The following LTA4H variants were observed in gnomAD, a reference collection of about 807,000 sequenced individuals.
The protein encoded by LTA4H is leukotriene A4 hydrolase, also known as leukotriene A-4 hydrolase.
In LTA4H, 59 loss-of-function variants were observed where a neutral mutation model predicts 89.8. The observed-to-expected ratio is 0.66, with a 90% CI of 0.53 to 0.82. LTA4H has a LOEUF of 0.82. LTA4H is among the 40% of genes least tolerant of loss of function. LTA4H has a pLI of 0.00. For missense variants in LTA4H, 617 were observed against 727.0 expected (o/e 0.85, Z 1.74); for synonymous variants, 227 against 253.1 (o/e 0.90, Z 0.98).
intron 18 of LTA4H, 93 bp from the exon 19 acceptor site, chr12:96,001,199 G>T (rs1950095623): frequency 2.6e-6 from 2 of 754,764 alleles, no homozygotes; most frequent in East Asian, 5.0e-5. Flanking sequence ...GAGGGAAGGG[G>T]TTCAGAGGAA....
At chr12:96,035,268 G>T (rs530375107) in intron 1 of LTA4H, 93 bp downstream of exon 1, 2 of 1,342,606 alleles carry the variant, frequency 1.5e-6, no homozygotes, top group African/African-American at 1.5e-5. Context: ...GGGCCGCGGC[G>T]GGGTGAGCCG....
At chr12:96,017,669 C>T (rs1276256965) in intron 8 of LTA4H, 89 bp from the exon 9 acceptor site, 2 of 854,012 alleles carry the variant, frequency 2.3e-6, no homozygotes, top group African/African-American at 3.4e-5. Flanking sequence ...AGCATACTGG[C>T]ACTGGTGATC....
intron 18 of LTA4H, among the ~76,000 whole-genome samples, chr12:96,001,808 AATACTTATTTTTCCCACAAAAGGT>A (rs1163459005): frequency 2.0e-5 from 3 of 152,050 alleles, no homozygotes; most frequent in Admixed American, 2.0e-4. Flanking sequence ...ATAAAACAGA[AATACTTATTTTTCCCACAAAAGGT>A]ATACTCTTAT....
Position 96,035,574 on chromosome 12 carries a change from A to G in LTA4H, c.-55T>C, listed in dbSNP as rs1950632784. ...CTACAGCCCAACGCTCAGCTACCAG[A>G]CTCGTCGATAGAGAACCTGAGGAGG... On this transcript the variant is annotated 5_prime_UTR_variant, in exon 1 of 19. Coordinates refer to ENST00000228740, the MANE Select transcript of LTA4H (RefSeq NM_000895.3). 1 of 1,532,572 alleles carries G rather than the reference A, an allele frequency of 6.5e-7. No individual in the cohort carries two copies. 94.9% of individuals were successfully genotyped at this position (1,532,572 alleles called of 1,614,324 possible).
chr12:96,002,897 T>C (rs150707192), intron 18 of LTA4H, 63 bp downstream of exon 18: 7 of 1,101,944 alleles, frequency 6.4e-6, no homozygotes, highest in African/African-American at 6.3e-5. Flanking sequence ...TACGTTTAAA[T>C]ATTTGACAGT....
At chr12:96,037,140 A>T (rs925167858), upstream of LTA4H, among the ~76,000 whole-genome samples, 1 of 152,242 alleles carries the variant, frequency 6.6e-6, no homozygotes, top group African/African-American at 2.4e-5. Flanking sequence ...TTTAAGGGGA[A>T]GATGCTAAAT....
At chr12:96,032,729 T>TA (rs1206056322) in intron 1 of LTA4H, among the ~76,000 whole-genome samples, 1 of 152,238 alleles carries the variant, frequency 6.6e-6, no homozygotes, top group African/African-American at 2.4e-5. Flanking sequence ...TCTAATTTGC[T>TA]AAACAGACAT....
chr12:96,011,766 T>G (rs1456772416), intron 14 of LTA4H: 1 of 152,122 alleles, frequency 6.6e-6, no homozygotes, highest in East Asian at 1.9e-4. Flanking sequence ...AGCCAATCAG[T>G]TGCCAATAGA....
At chr12:96,019,286 A>T in intron 6 of LTA4H, 46 bp from the exon 7 acceptor site, 5 of 1,498,076 alleles carry the variant, frequency 3.3e-6, no homozygotes, top group Non-Finnish European at 3.7e-6. Context: ...ATGGCAAATG[A>T]TTCATCTGGT....
intron 5 of LTA4H, among the ~76,000 whole-genome samples, chr12:96,021,408 C>T (rs1950450688): frequency 6.6e-6 from 1 of 152,144 alleles, no homozygotes; most frequent in African/African-American, 2.4e-5. Context: ...ATCACACATA[C>T]TATTAAAAGG....
chr12:96,024,293 T>C (rs1950487550), intron 4 of LTA4H, among the ~76,000 whole-genome samples, 186 bp downstream of exon 4: 1 of 152,162 alleles, frequency 6.6e-6, no homozygotes. Context: ...TTAAAATGTT[T>C]AAAACTGCCT....
At chr12:96,041,841 C>T (rs1455178991) in intron 1 of LTA4H, among the ~76,000 whole-genome samples, 1 of 152,076 alleles carries the variant, frequency 6.6e-6, no homozygotes, top group African/African-American at 2.4e-5. Flanking sequence ...TGGGGTTTCA[C>T]CGTGTTAGCC....
chr12:96,027,353 C>T (rs1298309798), intron 3 of LTA4H, 91 bp downstream of exon 3: 4 of 1,127,744 alleles, frequency 3.5e-6, no homozygotes, highest in Non-Finnish European at 5.0e-6. Context: ...GTAAAACCTA[C>T]ATAATCCATA....
chr12:96,013,261 A>T lies in LTA4H; in HGVS notation c.1309-3T>A, dbSNP rs1195135831. 5 of 1,606,240 alleles carry T rather than the reference A, an allele frequency of 3.1e-6. No homozygotes were observed. Among genetic ancestry groups the T allele is most frequent in the Non-Finnish European group, 3.4e-6 (4 of 1,172,998 alleles). On this transcript the variant is annotated splice_polypyrimidine_tract_variant and splice_region_variant and intron_variant, in intron 13 of 18. Coordinates refer to ENST00000228740, the MANE Select transcript of LTA4H (RefSeq NM_000895.3). The stretch of plus-strand genomic sequence containing the variant: ...TCAACTTGATTGAGAACATCAACCT[A>T]TGAATAGTAAGAATTCACAGTTTAC...
At chr12:96,002,577 A>G (rs557559465) in intron 18 of LTA4H, among the ~76,000 whole-genome samples, 1 of 151,826 alleles carries the variant, frequency 6.6e-6, no homozygotes, top group African/African-American at 2.4e-5. Flanking sequence ...GCAACATTTG[A>G]ACACAAAAGA....
chr12:96,017,391 A>G (rs1425025035), intron 9 of LTA4H, among the ~76,000 whole-genome samples, 166 bp downstream of exon 9: 3 of 152,200 alleles, frequency 2.0e-5, no homozygotes, highest in Non-Finnish European at 4.4e-5. Flanking sequence ...AGATCAAACC[A>G]TAAAATTTCC....
chr12:96,004,175 C>G (rs960309539), intron 16 of LTA4H, among the ~76,000 whole-genome samples: 13 of 152,176 alleles, frequency 8.5e-5, no homozygotes, highest in Non-Finnish European at 1.6e-4. Flanking sequence ...AATTGCTCTT[C>G]TTAGACTTTT....
intron 11 of LTA4H, 123 bp downstream of exon 11, chr12:96,015,460 C>A: frequency 1.5e-6 from 1 of 680,018 alleles, no homozygotes; most frequent in Admixed American, 2.5e-5. Flanking sequence ...GCATTGACTT[C>A]ACTTTCCACA....
At chr12:96,031,793 T>C (rs1217149269) in intron 1 of LTA4H, among the ~76,000 whole-genome samples, 1 of 152,232 alleles carries the variant, frequency 6.6e-6, no homozygotes, top group African/African-American at 2.4e-5. Context: ...AATTATTTAA[T>C]TATTTTTAAT....
Sources: gnomAD v4.1 joint callset for allele counts (sites outside exome capture counted in the v4.1 genomes callset) on GRCh38, gnomAD v4.1.1 for gene constraint, MANE v1.5 for transcripts, NCBI Gene and HGNC (gene_info 2026-07-23, HGNC 2026-07-21) for gene names.